Variants in ZNF43 observed in about 807,000 individuals in gnomAD.
The protein encoded by ZNF43 is zinc finger protein 39-like 1 (KOX 27).
A neutral mutation model predicts 68.4 loss-of-function variants in ZNF43; 44 were observed. The ratio of observed to expected loss-of-function variants is 0.64; its 90% CI spans 0.51 to 0.83. The LOEUF (loss-of-function observed/expected upper bound fraction) is 0.83, where lower values mean the gene tolerates loss of function less well. Among genes scored for constraint, ZNF43 ranks in the 40% least tolerant of loss-of-function variants. ZNF43 has a pLI of 0.00. For synonymous variants in ZNF43, 308 were observed against 307.8 expected (o/e 1.00, Z -0.01); for missense variants, 896 against 933.2 (o/e 0.96, Z 0.52).
At chr19:21,831,473 A>C (rs2038422962) in intron 1 of ZNF43, among the ~76,000 whole-genome samples, 1 of 152,142 alleles carries the variant, frequency 6.6e-6, no homozygotes, top group East Asian at 1.9e-4. Flanking sequence ...GCAATTCTCC[A>C]GCCTCAGCCT....
chr19:21,851,803 T>C (rs1166985666), intron 1 of ZNF43: 9 of 1,301,290 alleles, frequency 6.9e-6, no homozygotes, highest in Admixed American at 2.6e-5. Context: ...GGGGCGGAGC[T>C]GCGCCAGCGA....
In ZNF43 at chr19:21,807,401, C is replaced by G; in HGVS notation, c.*206G>C. ...ATATGAGCACATATTAATGGCTTTTCCACATTCTTTGTGTATATACCTTTT... is the reference window on the plus strand; with the variant it reads ...ATATGAGCACATATTAATGGCTTTTGCACATTCTTTGTGTATATACCTTTT... On this transcript the variant is annotated 3_prime_UTR_variant, in exon 4 of 4. Transcript: ENST00000354959. 2.2e-6 allele frequency: 1 copy of G among 460,876 alleles called. No homozygotes were observed. The highest frequency in any genetic ancestry group is 3.7e-6 in the Non-Finnish European group (1 of 268,544). The allele number at this position is 460,876 out of a possible 1,614,324, so 28.5% of individuals were successfully genotyped here.
chr19:21,837,674 T>G (rs189272677), upstream of ZNF43, among the ~76,000 whole-genome samples: 1 of 152,142 alleles, frequency 6.6e-6, no homozygotes, highest in African/African-American at 2.4e-5. Context: ...ATTTTTTGTA[T>G]TTTTAGTAGA....
Position 21,810,955 on chromosome 19 carries a change from AACG to A in ZNF43, c.230-1151_230-1149del, listed in dbSNP as rs1381966965. Reference sequence around the variant, plus strand: ...GATCCTGTCTCAAAACAACAACAACAACGACGACGACAAATAAATTTAAGAAGA... The same window carrying A: ...GATCCTGTCTCAAAACAACAACAACAACGACGACAAATAAATTTAAGAAGA... On this transcript the variant is annotated intron_variant, in intron 3 of 3. Transcript: ENST00000354959. Among the ~76,000 whole-genome samples, 5 of 152,114 alleles carry A rather than the reference AACG, an allele frequency of 3.3e-5. 1 individual carries two copies. Among genetic ancestry groups the A allele is most frequent in the Admixed American group, 2.6e-4 (4 of 15,282 alleles).
intron 1 of ZNF43, among the ~76,000 whole-genome samples, chr19:21,849,026 C>A (rs1266096080): frequency 1.3e-5 from 2 of 152,168 alleles, no homozygotes; most frequent in Non-Finnish European, 2.9e-5. Flanking sequence ...TAACGGTGGA[C>A]TGTGTCTGTG....
chr19:21,823,255 A>G (rs2037941280), intron 1 of ZNF43, among the ~76,000 whole-genome samples: 1 of 152,086 alleles, frequency 6.6e-6, no homozygotes, highest in Admixed American at 6.6e-5. Context: ...TGCTTCATCT[A>G]TTTTTTTAAT....
rs1209343822 is a variant in ZNF43 at position 21,808,954 on chromosome 19, C to T, written c.1083G>A (p.Lys361=). ...FNQFSNLTTH[K]RIHTAEKFYK... is the part of the protein sequence containing the mutation. Reference sequence around the variant, plus strand: ...AGAATTTCTCTGCAGTATGGATTCTCTTATGTGTAGTAAGGTTTGAGAACT... The same window carrying T: ...AGAATTTCTCTGCAGTATGGATTCTTTTATGTGTAGTAAGGTTTGAGAACT... Residue 361 remains lysine (K), a synonymous_variant, in exon 4 of 4, where the codon AAG becomes AAA. Coordinates refer to ENST00000354959, the MANE Select transcript of ZNF43 (RefSeq NM_003423.4). 2 of 1,613,100 alleles carry T rather than the reference C, an allele frequency of 1.2e-6. No homozygotes were observed. Among genetic ancestry groups the T allele is most frequent in the African/African-American group, 1.3e-5 (1 of 74,650 alleles).
At chr19:21,844,997 A>G (rs1159445376) in intron 1 of ZNF43, among the ~76,000 whole-genome samples, 1 of 147,826 alleles carries the variant, frequency 6.8e-6, no homozygotes. Flanking sequence ...CAGGAGAGTC[A>G]CATCACCTGG....
At chr19:21,812,802 T>C (rs2435009) in intron 3 of ZNF43, among the ~76,000 whole-genome samples, 7,515 of 151,958 alleles carry the variant, frequency 0.049, 399 homozygotes, top group African/African-American at 0.14. Flanking sequence ...AACACAAAAA[T>C]TAGCCGGGCA....
chr19:21,831,969 TAC>T (rs2038445718), intron 1 of ZNF43, among the ~76,000 whole-genome samples: 1 of 152,214 alleles, frequency 6.6e-6, no homozygotes, highest in Non-Finnish European at 1.5e-5. Context: ...CAAAGAAATG[TAC>T]AGACTTAATT....
intron 3 of ZNF43, among the ~76,000 whole-genome samples, chr19:21,816,906 C>G (rs1368669816): frequency 6.6e-6 from 1 of 152,060 alleles, no homozygotes; most frequent in African/African-American, 2.4e-5. Context: ...AAAGGCGGAC[C>G]CTAGTGCAGA....
At chr19:21,839,945 GCATCA>G (rs1967401763), upstream of ZNF43, 1 of 152,202 alleles carries the variant, frequency 6.6e-6, no homozygotes, top group Non-Finnish European at 1.5e-5. Context: ...AGAAAAAGAA[GCATCA>G]CAACAGCTAG....
At chr19:21,835,100 T>A (rs1284348199) in intron 1 of ZNF43, among the ~76,000 whole-genome samples, 1 of 149,312 alleles carries the variant, frequency 6.7e-6, no homozygotes, top group East Asian at 2.1e-4. Context: ...ACAAAAAAAA[T>A]TAGCTGGGTG....
At chr19:21,845,893 C>CAAA (rs34109698) in intron 1 of ZNF43, among the ~76,000 whole-genome samples, 3 of 125,996 alleles carry the variant, frequency 2.4e-5, no homozygotes, top group Non-Finnish European at 3.4e-5. Context: ...AACTCTGTCT[C>CAAA]AAAAAAAAAA....
chr19:21,813,609 C>T (rs2037385011), intron 3 of ZNF43, among the ~76,000 whole-genome samples: 1 of 152,092 alleles, frequency 6.6e-6, no homozygotes. Context: ...CTTAAGTAGT[C>T]ACACTCATAA....
chr19:21,845,893 CAA>C (rs34109698), intron 1 of ZNF43, among the ~76,000 whole-genome samples: 27 of 125,900 alleles, frequency 2.1e-4, no homozygotes, highest in Admixed American at 3.3e-4. Context: ...AACTCTGTCT[CAA>C]AAAAAAAAAA....
In ZNF43 at chr19:21,832,442, C is replaced by T. The variant is rs149847586; in HGVS notation, c.3+3594G>A. 6.6e-5 allele frequency among the ~76,000 whole-genome samples: 10 copies of T among 152,064 alleles called. No individual in the cohort carries two copies. The East Asian group carries it at 1.9e-3, about 29-fold the overall frequency. On this transcript the variant is annotated intron_variant, in intron 1 of 3. Transcript: ENST00000354959. Reference sequence around the variant, plus strand: ...ATTTTTAAAAAAACTTTGGAAGGTACCTAGGAAATCATTCTAGACATAAGA... The same window carrying T: ...ATTTTTAAAAAAACTTTGGAAGGTATCTAGGAAATCATTCTAGACATAAGA...
chr19:21,828,627 GA>G (rs1568371823), intron 1 of ZNF43, among the ~76,000 whole-genome samples: 1 of 152,000 alleles, frequency 6.6e-6, no homozygotes, highest in African/African-American at 2.4e-5. Context: ...TGAGGCAGGA[GA>G]ATCACTTGAA....
rs765493666 is a variant in ZNF43 at position 21,808,987 on chromosome 19, G to A, written c.1050C>T (p.Ala350=). Reference sequence around the variant, plus strand: ...TAGTAAGGTTTGAGAACTGGTTAAAGGCTTTGCCACATTCTTCACATGTGT... The same window carrying A: ...TAGTAAGGTTTGAGAACTGGTTAAAAGCTTTGCCACATTCTTCACATGTGT... The part of the protein sequence containing the change: ...KPYTCEECGK[A]FNQFSNLTTH... The change falls in exon 4 of 4, where the codon GCC becomes GCT. Residue 350 remains alanine, a synonymous_variant. Coordinates refer to ENST00000354959, the MANE Select transcript of ZNF43 (RefSeq NM_003423.4). The A allele has an allele frequency of 1.9e-5, 30 of 1,611,660 alleles. 1 individual carries two copies. In the South Asian group the frequency reaches 2.5e-4, roughly 14 times the overall value.
Sources: allele counts gnomAD v4.1 joint callset (sites outside exome capture counted in the v4.1 genomes callset), GRCh38; gene constraint gnomAD v4.1.1; transcripts MANE v1.5; gene names NCBI Gene and HGNC (gene_info 2026-07-23, HGNC 2026-07-21).